Variants in USP34 observed in about 807,000 individuals in gnomAD.
USP34 encodes ubiquitin specific peptidase 34.
In USP34, 70 loss-of-function variants were observed where a neutral mutation model predicts 460.3. The ratio of observed to expected loss-of-function variants is 0.15; its 90% CI spans 0.13 to 0.19. USP34 has a LOEUF of 0.19. Among genes scored for constraint, USP34 ranks in the 10% least tolerant of loss-of-function variants. The pLI, the probability that USP34 is intolerant of heterozygous loss-of-function variation, is 1.00. For synonymous variants in USP34, 1,647 were observed against 1,405.3 expected (o/e 1.17, Z -3.85); for missense variants, 3,985 against 4,236.2 (o/e 0.94, Z 1.65).
chr2:61,286,642 T>C (rs1438893634), intron 34 of USP34, among the ~76,000 whole-genome samples: 1 of 151,742 alleles, frequency 6.6e-6, no homozygotes, highest in African/African-American at 2.4e-5. Flanking sequence ...GCAACAGAGC[T>C]AGGCTCCGTC....
At chr2:61,387,554 A>G (rs2103881552) in intron 5 of USP34, among the ~76,000 whole-genome samples, 1 of 147,076 alleles carries the variant, frequency 6.8e-6, no homozygotes, top group Non-Finnish European at 1.5e-5. Flanking sequence ...TAAAATATAT[A>G]TATTTATATA....
intron 21 of USP34, among the ~76,000 whole-genome samples, chr2:61,320,298 G>C (rs1186113496): frequency 1.3e-5 from 2 of 152,166 alleles, no homozygotes; most frequent in African/African-American, 2.4e-5. Flanking sequence ...AACTAACCTT[G>C]ACCAGGAAGC....
chr2:61,192,434 C>T (rs1465625487), intron 76 of USP34, among the ~76,000 whole-genome samples: 4 of 152,154 alleles, frequency 2.6e-5, no homozygotes, highest in South Asian at 2.1e-4. Flanking sequence ...TCAAGGAGAT[C>T]GCTGTAAGAA....
At chr2:61,259,504 C>CA (rs2103901825) in intron 44 of USP34, among the ~76,000 whole-genome samples, 1 of 151,876 alleles carries the variant, frequency 6.6e-6, no homozygotes, top group South Asian at 2.1e-4. Context: ...CCTCCCTTTT[C>CA]AGTCTCCTAA....
intron 18 of USP34, 40 bp downstream of exon 18, chr2:61,339,311 C>A: frequency 6.3e-7 from 1 of 1,587,992 alleles, no homozygotes; most frequent in Non-Finnish European, 8.6e-7. Context: ...CACCCAAATA[C>A]TTTGACTACT....
chr2:61,244,241 G>A (rs1313776005), intron 51 of USP34, among the ~76,000 whole-genome samples: 1 of 152,146 alleles, frequency 6.6e-6, no homozygotes, highest in African/African-American at 2.4e-5. Context: ...TTTTAAAACA[G>A]TTCTCAGAAA....
At chr2:61,212,577 C>G (rs2103788872) in intron 68 of USP34, among the ~76,000 whole-genome samples, 1 of 152,258 alleles carries the variant, frequency 6.6e-6, no homozygotes, top group African/African-American at 2.4e-5. Context: ...TTAGTAAAAT[C>G]ACTAGCTGTG....
At chr2:61,238,082 G>T (rs951779702) in intron 53 of USP34, among the ~76,000 whole-genome samples, 9 of 151,748 alleles carry the variant, frequency 5.9e-5, no homozygotes, top group Non-Finnish European at 1.2e-4. Flanking sequence ...TTTTAGTAGA[G>T]AGGGGGTTTC....
At chr2:61,380,077 C>T (rs1692926510) in intron 7 of USP34, 92 bp downstream of exon 7, 5 of 1,049,518 alleles carry the variant, frequency 4.8e-6, no homozygotes, top group Admixed American at 5.3e-5. Context: ...AGCACAATGC[C>T]TAGTATGAAG....
At chr2:61,404,559 A>G (rs1337568351) in intron 3 of USP34, among the ~76,000 whole-genome samples, 1 of 152,192 alleles carries the variant, frequency 6.6e-6, no homozygotes, top group East Asian at 1.9e-4. Context: ...TGCTAAGACT[A>G]CTATTTAAGG....
rs1235330871 is a variant in USP34, at chr2:61,317,846, C to T, written c.3169-79G>A. 4 of 977,336 alleles carry T rather than the reference C, an allele frequency of 4.1e-6. No homozygotes were observed. In the Admixed American group the frequency reaches 7.3e-5, roughly 18 times the overall value. The allele number at this position is 977,336 out of a possible 1,614,324, so 60.5% of individuals were successfully genotyped here. On this transcript the variant is annotated intron_variant, in intron 22 of 79. Transcript: ENST00000398571. ...TTTTATTAAATTTAAATAAACTTTACTGAAAACACTGTAGAAGGAAACAGA... is the reference window on the plus strand; with the variant it reads ...TTTTATTAAATTTAAATAAACTTTATTGAAAACACTGTAGAAGGAAACAGA...
At chr2:61,272,464 T>C (rs1165141081) in intron 41 of USP34, among the ~76,000 whole-genome samples, 1 of 148,876 alleles carries the variant, frequency 6.7e-6, no homozygotes. Context: ...CTCTCTCAAA[T>C]CCAACATATA....
chr2:61,244,571 C>T (rs933350752), intron 51 of USP34, among the ~76,000 whole-genome samples: 2 of 150,794 alleles, frequency 1.3e-5, no homozygotes, highest in Non-Finnish European at 2.9e-5. Flanking sequence ...GCCGAGATCG[C>T]GCCACTGACT....
intron 23 of USP34, among the ~76,000 whole-genome samples, chr2:61,316,613 A>T (rs2103687147): frequency 7.3e-6 from 1 of 137,400 alleles, no homozygotes; most frequent in Non-Finnish European, 1.6e-5. Flanking sequence ...GGCCTGGTGC[A>T]GTGGCTCATG....
chr2:61,403,992 CAAAAAAAAA>C (rs71405114), intron 3 of USP34, among the ~76,000 whole-genome samples: 10 of 29,130 alleles, frequency 3.4e-4, no homozygotes, highest in African/African-American at 5.3e-4. Context: ...GACTCTATCT[CAAAAAAAAA>C]AAAAAAAAAA....
intron 66 of USP34, among the ~76,000 whole-genome samples, chr2:61,220,968 C>T (rs960446601): frequency 9.9e-6 from 1 of 100,870 alleles, no homozygotes; most frequent in African/African-American, 5.9e-5. Context: ...TATTGAAACA[C>T]ACCCATAACC....
intron 41 of USP34, among the ~76,000 whole-genome samples, chr2:61,273,468 C>A (rs914983849): frequency 5.9e-5 from 9 of 152,174 alleles, no homozygotes; most frequent in African/African-American, 2.2e-4. Flanking sequence ...CTTGTAATCC[C>A]AGCACTTTGG....
chr2:61,353,861 A>C (rs1013941505), intron 10 of USP34, among the ~76,000 whole-genome samples: 2 of 152,208 alleles, frequency 1.3e-5, no homozygotes, highest in African/African-American at 4.8e-5. Flanking sequence ...AAATTATGGA[A>C]ATGAAAGGTA....
At position 61,248,534 on chromosome 2, in the gene USP34, A is replaced by G; in HGVS notation, c.6371T>C (p.Met2124Thr). ...ACCTTCTTTCCTCTCACTCTTTCCCATAAGAAAATCTTCTGTATAGGGCGT... is the reference window on the plus strand; with the variant it reads ...ACCTTCTTTCCTCTCACTCTTTCCCGTAAGAAAATCTTCTGTATAGGGCGT... ...DMTPYTEDFL[M>T]GKSERKEGFK... Residue 2124 changes from methionine (M) to threonine (T), a missense_variant, in exon 49 of 80, where the codon ATG becomes ACG. This residue lies in a region of USP34 where 70 missense variants were observed against 78.1 expected (regional missense o/e 0.90). Transcript: ENST00000398571. 1 of 1,569,290 alleles carries G rather than the reference A, an allele frequency of 6.4e-7. No homozygotes were observed.
Sources: allele counts gnomAD v4.1 joint callset (sites outside exome capture counted in the v4.1 genomes callset), GRCh38; gene constraint gnomAD v4.1.1; regional missense constraint gnomAD v4.1.1; transcripts MANE v1.5; gene names NCBI Gene and HGNC (gene_info 2026-07-23, HGNC 2026-07-21).